Variants in OGDH observed in about 807,000 individuals in gnomAD.
OGDH encodes the protein 2-oxoglutarate dehydrogenase complex component E1.
In OGDH, 38 loss-of-function variants were observed where a neutral mutation model predicts 116.6. That is an observed-to-expected ratio of 0.33 (90% CI 0.25 to 0.43). The LOEUF is 0.43. Among genes scored for constraint, OGDH ranks in the 20% least tolerant of loss-of-function variants. The probability of loss-of-function intolerance (pLI) is 1.00; values close to 1 mark genes in which losing one functional copy is unlikely to be tolerated. For synonymous variants in OGDH, 488 were observed against 533.3 expected, an observed-to-expected ratio of 0.92 and a Z score of 1.17; for missense variants, 825 against 1,357.2, an observed-to-expected ratio of 0.61 and a Z score of 6.16.
chr7:44,637,128 A>G lies in OGDH; in HGVS notation c.223-8199A>G, dbSNP rs2268309. 9.9e-5 allele frequency among the ~76,000 whole-genome samples: 15 copies of G among 152,258 alleles called. No individual in the cohort carries two copies. The East Asian group carries it at 2.9e-3, about 29-fold the overall frequency. On this transcript the variant is annotated intron_variant, in intron 2 of 22. Coordinates refer to ENST00000222673, the MANE Select transcript of OGDH (RefSeq NM_002541.4). ...ACCTGCCCAGCCTGGTTTCTTAACC[A>G]TCTGTACACCCTGCATGTGGCAGTA...
intron 10 of OGDH, among the ~76,000 whole-genome samples, chr7:44,689,658 C>T (rs886911961): frequency 6.6e-6 from 1 of 152,016 alleles, no homozygotes; most frequent in Non-Finnish European, 1.5e-5. Context: ...TCCCTAATGA[C>T]TAATGATGTG....
intron 4 of OGDH, among the ~76,000 whole-genome samples, chr7:44,659,122 GCCACCA>G (rs1786821777): frequency 6.6e-6 from 1 of 152,138 alleles, no homozygotes; most frequent in African/African-American, 2.4e-5. Context: ...ACAGACATGA[GCCACCA>G]CCCCCGGCCG....
At chr7:44,621,914 G>GATTCAGTGACTATGTGT (rs1785025820) in intron 1 of OGDH, among the ~76,000 whole-genome samples, 3 of 152,016 alleles carry the variant, frequency 2.0e-5, no homozygotes, top group Admixed American at 1.3e-4. Flanking sequence ...CTGCTGGGCA[G>GATTCAGTGACTATGTGT]CACTTAACTA....
chr7:44,638,660 C>T (rs1203977535), intron 2 of OGDH, among the ~76,000 whole-genome samples: 3 of 152,184 alleles, frequency 2.0e-5, no homozygotes, highest in South Asian at 2.1e-4. Flanking sequence ...GCAGCCTAAA[C>T]CAACAGGCTT....
At chr7:44,646,158 G>T (rs911878019) in intron 3 of OGDH, among the ~76,000 whole-genome samples, 2 of 152,186 alleles carry the variant, frequency 1.3e-5, no homozygotes. Flanking sequence ...TACATGGGGA[G>T]AGCCTAGAGT....
chr7:44,616,766 C>T (rs1784793393), intron 1 of OGDH, among the ~76,000 whole-genome samples: 4 of 141,024 alleles, frequency 2.8e-5, no homozygotes, highest in African/African-American at 1.1e-4. Flanking sequence ...TATATATATA[C>T]ACGTATATGT....
rs1421810519 is a variant in OGDH at position 44,621,996 on chromosome 7, A to G, written c.-27-2321A>G. ...TAAACAGGATCATGTGGAAGGGGCC[A>G]CTTTGGGAAGAACAGATGAAATTGG... On this transcript the variant is annotated intron_variant, in intron 1 of 22. Transcript: ENST00000222673. Among the ~76,000 whole-genome samples the G allele has an allele frequency of 2.6e-5, 4 of 152,286 alleles. No individual in the cohort carries two copies. The East Asian group carries it at 5.8e-4, about 22-fold the overall frequency.
At chr7:44,695,081 A>C (rs1393618436) in intron 12 of OGDH, among the ~76,000 whole-genome samples, 1 of 151,624 alleles carries the variant, frequency 6.6e-6, no homozygotes, top group African/African-American at 2.4e-5. Flanking sequence ...GAGCTTTGTG[A>C]ACCAGTTTTT....
At chr7:44,617,523 A>G (rs556775095) in intron 1 of OGDH, among the ~76,000 whole-genome samples, 11 of 152,336 alleles carry the variant, frequency 7.2e-5, no homozygotes, top group Non-Finnish European at 1.3e-4. Flanking sequence ...CCCTCAGCTT[A>G]TATGTAATGA....
intron 4 of OGDH, among the ~76,000 whole-genome samples, chr7:44,648,362 G>A (rs537629604): frequency 4.6e-5 from 7 of 152,162 alleles, no homozygotes; most frequent in Non-Finnish European, 8.8e-5. Context: ...GTTTTGTCAC[G>A]GTTGCCAGAA....
intron 10 of OGDH, among the ~76,000 whole-genome samples, chr7:44,686,931 C>T (rs1788154369): frequency 6.6e-6 from 1 of 151,656 alleles, no homozygotes; most frequent in Non-Finnish European, 1.5e-5. Context: ...AGGTGATCCA[C>T]CCGCCTCAGC....
At chr7:44,648,324 G>A (rs371783514) in intron 4 of OGDH, among the ~76,000 whole-genome samples, 4 of 152,202 alleles carry the variant, frequency 2.6e-5, no homozygotes, top group East Asian at 3.8e-4. Flanking sequence ...CAGGGCCTTT[G>A]GGAGGTGCAT....
intron 20 of OGDH, among the ~76,000 whole-genome samples, chr7:44,704,762 G>A (rs1461460978): frequency 6.6e-6 from 1 of 152,070 alleles, no homozygotes; most frequent in East Asian, 1.9e-4. Context: ...CCAGGCTGGA[G>A]TGCATTAGTG....
intron 20 of OGDH, among the ~76,000 whole-genome samples, chr7:44,704,732 A>T (rs976974241): frequency 1.3e-5 from 2 of 151,236 alleles, no homozygotes; most frequent in Admixed American, 1.3e-4. Flanking sequence ...TTTTTCCGAG[A>T]TGGAGTCTTA....
chr7:44,681,611 T>G (rs1787932637), intron 9 of OGDH, 109 bp from the exon 10 acceptor site: 2 of 1,444,176 alleles, frequency 1.4e-6, no homozygotes. Context: ...TGTTTGAAAT[T>G]ATCTCAAAAC....
chr7:44,695,701 CAAAAA>C (rs551704915), intron 12 of OGDH, among the ~76,000 whole-genome samples: 2 of 83,184 alleles, frequency 2.4e-5, no homozygotes, highest in East Asian at 3.3e-4. Context: ...GACTCCGTCT[CAAAAA>C]AAAAAAAAAA....
In OGDH at chr7:44,678,688, C is replaced by T. The variant is rs577325344; in HGVS notation, c.1206+2539C>T. ...CTTTCTGAGCCTCCTCGTCACCTTGCCTCAAGCCCTCACATGTCCCCAGCA... is the reference window on the plus strand; with the variant it reads ...CTTTCTGAGCCTCCTCGTCACCTTGTCTCAAGCCCTCACATGTCCCCAGCA... On this transcript the variant is annotated intron_variant, in intron 9 of 22. Coordinates refer to ENST00000222673, the MANE Select transcript of OGDH (RefSeq NM_002541.4). 3.3e-5 allele frequency among the ~76,000 whole-genome samples: 5 copies of T among 152,294 alleles called. No individual in the cohort carries two copies. In the South Asian group the frequency reaches 8.3e-4, roughly 25 times the overall value.
At chr7:44,616,619 A>G (rs1001801381) in intron 1 of OGDH, among the ~76,000 whole-genome samples, 3 of 149,294 alleles carry the variant, frequency 2.0e-5, no homozygotes, top group Admixed American at 6.7e-5. Flanking sequence ...ATATATATGT[A>G]TATATATATA....
At position 44,674,432 on chromosome 7, in the gene OGDH, G is replaced by A. The variant is rs1787602180; in HGVS notation, c.810G>A (p.Arg270=). ...RSTRFEEFLQ[R]KWSSEKRFGL... ...CCAGGTTTGAGGAGTTCCTACAGCGGAAGTGGTCCTCTGAGAAGCGCTTTG... is the reference window on the plus strand; with the variant it reads ...CCAGGTTTGAGGAGTTCCTACAGCGAAAGTGGTCCTCTGAGAAGCGCTTTG... Residue 270 remains arginine (R), a synonymous_variant, in exon 7 of 23, where the codon CGG becomes CGA. Coordinates refer to ENST00000222673, the MANE Select transcript of OGDH (RefSeq NM_002541.4). The A allele has an allele frequency of 6.2e-7, 1 of 1,614,184 alleles. No homozygotes were observed.
Sources: allele counts gnomAD v4.1 joint callset (sites outside exome capture counted in the v4.1 genomes callset), GRCh38; gene constraint gnomAD v4.1.1; transcripts MANE v1.5; gene names NCBI Gene and HGNC (gene_info 2026-07-23, HGNC 2026-07-21).